ATRNL1: variants seen among roughly 807,000 people sequenced by gnomAD.
ATRNL1 encodes the protein attractin-like protein 1.
ATRNL1 carries 95 observed loss-of-function variants against 182.7 expected under a neutral mutation model. The observed-to-expected ratio is 0.52, with a 90% confidence interval of 0.44 to 0.62. ATRNL1 has a LOEUF of 0.62. ATRNL1 is among the 20% of genes least tolerant of loss of function. The pLI is 0.00. For missense variants in ATRNL1, 1,471 were observed against 1,679.5 expected (o/e 0.88, Z 2.17); for synonymous variants, 576 against 568.3 (o/e 1.01, Z -0.19).
intron 28 of ATRNL1, among the ~76,000 whole-genome samples, chr10:115,890,986 A>G (rs1046044934): frequency 2.6e-5 from 4 of 152,198 alleles, no homozygotes; most frequent in Non-Finnish European, 5.9e-5. Context: ...GAAATGCCCA[A>G]GCAACTCTTG....
intron 27 of ATRNL1, among the ~76,000 whole-genome samples, chr10:115,734,411 A>T (rs1190887444): frequency 6.6e-6 from 1 of 152,130 alleles, no homozygotes; most frequent in Non-Finnish European, 1.5e-5. Context: ...TATTGTTAGT[A>T]AAATTGAATA....
chr10:115,803,335 G>A (rs375230280), intron 27 of ATRNL1, among the ~76,000 whole-genome samples: 2 of 151,876 alleles, frequency 1.3e-5, no homozygotes, highest in Non-Finnish European at 2.9e-5. Flanking sequence ...ATAATATATT[G>A]CATTAACACA....
At chr10:115,398,386 AT>A (rs1462623238) in intron 20 of ATRNL1, among the ~76,000 whole-genome samples, 2 of 151,792 alleles carry the variant, frequency 1.3e-5, no homozygotes, top group African/African-American at 4.8e-5. Context: ...GTCATCTCTG[AT>A]TTTTTTGTGC....
At chr10:115,589,010 TC>T (rs1214623000) in intron 26 of ATRNL1, among the ~76,000 whole-genome samples, 3 of 152,164 alleles carry the variant, frequency 2.0e-5, no homozygotes. Context: ...TGACTAACAT[TC>T]CAGCTGGTAA....
At chr10:115,109,636 C>T (rs900531804) in intron 1 of ATRNL1, among the ~76,000 whole-genome samples, 1 of 152,114 alleles carries the variant, frequency 6.6e-6, no homozygotes, top group Admixed American at 6.5e-5. Context: ...CACATTCAAA[C>T]CATAGCAGAG....
At chr10:115,781,920 C>T (rs1648173788) in intron 27 of ATRNL1, among the ~76,000 whole-genome samples, 1 of 152,172 alleles carries the variant, frequency 6.6e-6, no homozygotes, top group Non-Finnish European at 1.5e-5. Flanking sequence ...ATAGTAGCAA[C>T]TCTTACCCAC....
chr10:115,547,358 A>G (rs1046506346), intron 25 of ATRNL1, among the ~76,000 whole-genome samples: 5 of 151,818 alleles, frequency 3.3e-5, no homozygotes, highest in Admixed American at 1.3e-4. Context: ...CTCAGCTACA[A>G]TGAGTATTTA....
At chr10:115,450,564 A>G (rs1200939565) in intron 21 of ATRNL1, among the ~76,000 whole-genome samples, 1 of 152,168 alleles carries the variant, frequency 6.6e-6, no homozygotes, top group Admixed American at 6.6e-5. Flanking sequence ...ACCTTAGAAT[A>G]CAGCTAACCA....
Position 115,904,854 on chromosome 10 carries a change from T to C in ATRNL1, c.4019-39804T>C, listed in dbSNP as rs577855085. On this transcript the variant is annotated intron_variant, in intron 28 of 28. Transcript: ENST00000355044. ...ATCAGATTCTCTTATCCTAGTGAGC[T>C]AAATTTTAAAAATATATATCCACAG... Among the ~76,000 whole-genome samples, 36 of 152,362 alleles carry C rather than the reference T, an allele frequency of 2.4e-4. No individual in the cohort carries two copies. The South Asian group carries it at 7.4e-3, about 32-fold the overall frequency.
chr10:115,296,559 T>G (rs1187971202), intron 15 of ATRNL1, among the ~76,000 whole-genome samples: 1 of 152,218 alleles, frequency 6.6e-6, no homozygotes, highest in Non-Finnish European at 1.5e-5. Context: ...CCCCAGTTTC[T>G]GTCTATACAG....
At position 115,534,152 on chromosome 10, in the gene ATRNL1, G is replaced by T. The variant is rs1325547751; in HGVS notation, c.3716+14828G>T. 1.1e-4 allele frequency among the ~76,000 whole-genome samples: 17 copies of T among 151,876 alleles called. No individual in the cohort carries two copies. The South Asian group carries it at 1.9e-3, about 17-fold the overall frequency. ...GTGCAGAGCTGAGTTCAATTCCTGG[G>T]TATCCTTGTTGACTTTCTGTCTCGT... On this transcript the variant is annotated intron_variant, in intron 25 of 28. Transcript: ENST00000355044.
chr10:115,650,781 G>A (rs540213130), intron 26 of ATRNL1, among the ~76,000 whole-genome samples: 1 of 152,018 alleles, frequency 6.6e-6, no homozygotes, highest in African/African-American at 2.4e-5. Context: ...AGCTTATGGA[G>A]TGTTGTGTTG....
At chr10:115,487,820 G>T (rs1849099560) in intron 24 of ATRNL1, among the ~76,000 whole-genome samples, 1 of 152,242 alleles carries the variant, frequency 6.6e-6, no homozygotes, top group African/African-American at 2.4e-5. Flanking sequence ...TTTTCAAAGG[G>T]ATTGCTTCCA....
At chr10:115,804,232 T>TA (rs1949866520) in intron 27 of ATRNL1, among the ~76,000 whole-genome samples, 1 of 152,192 alleles carries the variant, frequency 6.6e-6, no homozygotes, top group Non-Finnish European at 1.5e-5. Flanking sequence ...CTTTTAAACT[T>TA]ACTTTCTTGA....
intron 28 of ATRNL1, among the ~76,000 whole-genome samples, chr10:115,906,910 T>C (rs1555114685): frequency 6.6e-6 from 1 of 152,210 alleles, no homozygotes; most frequent in Non-Finnish European, 1.5e-5. Context: ...TATAATCCCC[T>C]GAGGTTGGTA....
intron 10 of ATRNL1, among the ~76,000 whole-genome samples, chr10:115,251,240 G>A (rs1335705787): frequency 6.6e-6 from 1 of 152,074 alleles, no homozygotes; most frequent in Non-Finnish European, 1.5e-5. Flanking sequence ...TCTTTAGGGT[G>A]ATACTAATTG....
chr10:115,528,073 T>TTCCTTCCTTCCTTCCTTCCTTC (rs1565133603), intron 25 of ATRNL1, among the ~76,000 whole-genome samples: 3 of 24,166 alleles, frequency 1.2e-4, no homozygotes, highest in African/African-American at 2.9e-4. Context: ...TTCCTTCCTT[T>TTCCTTCCTTCCTTCCTTCCTTC]CCCTTCTCAT....
chr10:115,828,145 T>C (rs149311031), intron 27 of ATRNL1, among the ~76,000 whole-genome samples: 2,474 of 152,016 alleles, frequency 0.016, 84 homozygotes, highest in African/African-American at 0.057. Context: ...TGGAGAAACC[T>C]TGTCTCTACT....
intron 19 of ATRNL1, among the ~76,000 whole-genome samples, chr10:115,375,276 C>T (rs1564972504): frequency 6.6e-6 from 1 of 151,594 alleles, no homozygotes; most frequent in Non-Finnish European, 1.5e-5. Flanking sequence ...TCTGTTTTGT[C>T]TGATATAGCC....
Sources: gnomAD v4.1 joint callset for allele counts (sites outside exome capture counted in the v4.1 genomes callset) on GRCh38, gnomAD v4.1.1 for gene constraint, MANE v1.5 for transcripts, NCBI Gene and HGNC (gene_info 2026-07-23, HGNC 2026-07-21) for gene names.